Variants in WASF1 observed in about 807,000 individuals in gnomAD.
WASF1 encodes the protein WASP family member 1.
WASF1 carries 7 observed loss-of-function variants against 50.5 expected under a neutral mutation model. That is an observed-to-expected ratio of 0.14 (90% CI 0.08 to 0.26). WASF1 has a LOEUF of 0.26. Ranked by LOEUF, WASF1 falls within the 10% of genes least tolerant of loss-of-function variation. The pLI is 1.00. For synonymous variants in WASF1, 205 were observed against 244.0 expected (o/e 0.84, Z 1.49); for missense variants, 470 against 694.7 (o/e 0.68, Z 3.64).
intron 4 of WASF1, among the ~76,000 whole-genome samples, chr6:110,116,858 TG>T (rs1401963503): frequency 8.5e-5 from 13 of 152,238 alleles, no homozygotes; most frequent in African/African-American, 2.9e-4. Context: ...TTTGCTGTTC[TG>T]CAGCCTCTGG....
chr6:110,138,148 C>T (rs1775053721), intron 3 of WASF1, among the ~76,000 whole-genome samples: 1 of 152,258 alleles, frequency 6.6e-6, no homozygotes, highest in African/African-American at 2.4e-5. Context: ...AGCATGCTGG[C>T]TGCAGTGGGG....
At chr6:110,114,996 G>A (rs910406236) in intron 4 of WASF1, among the ~76,000 whole-genome samples, 20 of 151,926 alleles carry the variant, frequency 1.3e-4, no homozygotes, top group African/African-American at 4.8e-4. Context: ...GGGAGGTGAG[G>A]CAGGAGGATC....
At chr6:110,134,339 A>G (rs1035687490) in intron 3 of WASF1, among the ~76,000 whole-genome samples, 1 of 151,390 alleles carries the variant, frequency 6.6e-6, no homozygotes, top group East Asian at 1.9e-4. Context: ...TTATGTTTTC[A>G]TTTGTTTTGT....
intron 2 of WASF1, among the ~76,000 whole-genome samples, chr6:110,170,083 A>T (rs1205293955): frequency 2.0e-5 from 3 of 152,184 alleles, no homozygotes; most frequent in Admixed American, 6.5e-5. Flanking sequence ...GTAATCATAC[A>T]AAAAGAGAGG....
chr6:110,116,102 C>T (rs561214277), intron 4 of WASF1, among the ~76,000 whole-genome samples: 4 of 152,144 alleles, frequency 2.6e-5, no homozygotes, highest in Admixed American at 1.3e-4. Context: ...GTCTGCAGCT[C>T]CCAGCGAAAC....
At chr6:110,140,813 G>T (rs998982074) in intron 3 of WASF1, among the ~76,000 whole-genome samples, 2 of 152,160 alleles carry the variant, frequency 1.3e-5, no homozygotes, top group African/African-American at 4.8e-5. Flanking sequence ...CAGATGAAAT[G>T]AGGTGAATGA....
chr6:110,101,954 G>C lies in WASF1; in HGVS notation c.1156C>G (p.Pro386Ala), dbSNP rs1055550079. ...ACTAGAGGAGGTGCAATTGGAGGAG[G>C]AGCTGGGTGAAGAACTCCAGGGGCA... is the stretch of plus-strand genomic sequence containing the variant. ...QIAPGVLHPA[P>A]PPIAPPLVQP... The change falls in exon 10 of 11, where the codon CCT (proline) becomes GCT (alanine). Residue 386 changes from proline to alanine, a missense_variant. Physicochemically the swap from Pro to Ala is conservative, Grantham distance 27 (BLOSUM62 -1). Coordinates refer to ENST00000392589, the MANE Select transcript of WASF1 (RefSeq NM_003931.3). 1.2e-6 allele frequency: 2 copies of C among 1,604,298 alleles called. No individual in the cohort carries two copies. The highest frequency in any genetic ancestry group is 1.3e-5 in the African/African-American group (1 of 74,762).
At chr6:110,179,039 G>A (rs536061710) in intron 1 of WASF1, among the ~76,000 whole-genome samples, 81 of 152,370 alleles carry the variant, frequency 5.3e-4, no homozygotes, top group African/African-American at 1.9e-3. Context: ...GCGCACGTAG[G>A]GCGAGCAGGG....
At chr6:110,109,252 A>T (rs190970364) in intron 5 of WASF1, among the ~76,000 whole-genome samples, 33 of 152,264 alleles carry the variant, frequency 2.2e-4, no homozygotes, top group Non-Finnish European at 4.4e-4. Flanking sequence ...CTTATCTTTT[A>T]TCTGTACTAT....
At chr6:110,130,084 T>C (rs1330045614) in intron 3 of WASF1, among the ~76,000 whole-genome samples, 1 of 152,220 alleles carries the variant, frequency 6.6e-6, no homozygotes, top group East Asian at 1.9e-4. Context: ...ATAAACCTAA[T>C]TGCAGTTAAG....
At chr6:110,121,978 GAAC>G (rs1383203147) in intron 4 of WASF1, among the ~76,000 whole-genome samples, 1 of 147,132 alleles carries the variant, frequency 6.8e-6, no homozygotes, top group Admixed American at 7.1e-5. Flanking sequence ...GGTGGGAATT[GAAC>G]AACATGAACA....
intron 3 of WASF1, among the ~76,000 whole-genome samples, chr6:110,146,470 T>C (rs1159004614): frequency 1.3e-5 from 2 of 151,828 alleles, no homozygotes; most frequent in East Asian, 1.9e-4. Context: ...ACAGATATTA[T>C]TAAATATAAA....
intron 2 of WASF1, among the ~76,000 whole-genome samples, chr6:110,166,358 C>T (rs574262983): frequency 1.3e-5 from 2 of 151,708 alleles, no homozygotes; most frequent in East Asian, 3.9e-4. Flanking sequence ...AGTGGTATTC[C>T]CCAAATTACA....
chr6:110,130,665 T>C (rs1774624211), intron 3 of WASF1, among the ~76,000 whole-genome samples: 1 of 152,252 alleles, frequency 6.6e-6, no homozygotes, highest in African/African-American at 2.4e-5. Context: ...AAGAGGACTA[T>C]ACTGATCATT....
intron 3 of WASF1, among the ~76,000 whole-genome samples, chr6:110,142,975 T>TAAAAAAAAAAAAAAAAAAAAAAAAA (rs1396721363): frequency 6.0e-4 from 59 of 97,894 alleles, no homozygotes; most frequent in East Asian, 1.6e-3. Flanking sequence ...AAAAAAAAAC[T>TAAAAAAAAAAAAAAAAAAAAAAAAA]AAAGCAATTC....
At chr6:110,161,458 C>A (rs980610628) in intron 2 of WASF1, among the ~76,000 whole-genome samples, 2 of 151,560 alleles carry the variant, frequency 1.3e-5, no homozygotes, top group African/African-American at 4.8e-5. Flanking sequence ...TTATTATACT[C>A]ACATGAGCCT....
At chr6:110,102,493 T>A (rs1773139095) in intron 9 of WASF1, among the ~76,000 whole-genome samples, 1 of 152,166 alleles carries the variant, frequency 6.6e-6, no homozygotes, top group Admixed American at 6.6e-5. Flanking sequence ...ATTTTATGCT[T>A]ACTTTAATAA....
intron 3 of WASF1, among the ~76,000 whole-genome samples, chr6:110,130,483 T>C (rs1199413655): frequency 4.6e-5 from 7 of 152,240 alleles, no homozygotes; most frequent in African/African-American, 1.7e-4. Context: ...ACTAATATGA[T>C]ACATATTATT....
intron 1 of WASF1, among the ~76,000 whole-genome samples, chr6:110,179,192 C>G (rs1777088100): frequency 6.6e-6 from 1 of 152,152 alleles, no homozygotes; most frequent in African/African-American, 2.4e-5. Flanking sequence ...CGGGGCGGTC[C>G]CTGCAGCCAA....
Sources: gnomAD v4.1 joint callset for allele counts (sites outside exome capture counted in the v4.1 genomes callset) on GRCh38, gnomAD v4.1.1 for gene constraint, MANE v1.5 for transcripts, NCBI Gene and HGNC (gene_info 2026-07-23, HGNC 2026-07-21) for gene names.